MS4A4E: variants seen among roughly 807,000 people sequenced by gnomAD.
The protein encoded by MS4A4E is putative membrane-spanning 4-domains subfamily A member 4E.
In MS4A4E, 23 loss-of-function variants were observed where a neutral mutation model predicts 13.3. The ratio of observed to expected loss-of-function variants is 1.73; its 90% CI spans 1.25 to 2.45. The LOEUF (loss-of-function observed/expected upper bound fraction) is 2.45, where lower values mean the gene tolerates loss of function less well. MS4A4E is among the 30% of genes most tolerant of loss of function. The pLI, the probability that MS4A4E is intolerant of heterozygous loss-of-function variation, is 0.00. For synonymous variants in MS4A4E, 36 were observed against 45.6 expected, an observed-to-expected ratio of 0.79 and a Z score of 0.85; for missense variants, 144 against 131.2, an observed-to-expected ratio of 1.10 and a Z score of -0.48.
rs202109280 is a variant in MS4A4E, at chr11:60,236,438, GT to G, written c.-16-6368del. On this transcript the variant is annotated intron_variant, in intron 1 of 8. Transcript: ENST00000651255. Reference sequence around the variant, plus strand: ...TAAGCCTTCCAGTTCCTGAATATGAGTTTTTTTTCATTTGTTTAAATTTTCT... The same window carrying G: ...TAAGCCTTCCAGTTCCTGAATATGAGTTTTTTTCATTTGTTTAAATTTTCT... 6.1e-3 allele frequency among the ~76,000 whole-genome samples: 920 copies of G among 151,642 alleles called. 17 individuals are homozygous for G. Among genetic ancestry groups the G allele is most frequent in the East Asian group, 0.049 (254 of 5,162 alleles).
intron 7 of MS4A4E, among the ~76,000 whole-genome samples, chr11:60,205,508 G>A (rs1436966464): frequency 6.6e-6 from 1 of 152,134 alleles, no homozygotes; most frequent in Non-Finnish European, 1.5e-5. Flanking sequence ...ATATGTACCA[G>A]AGTACTAATT....
intron 2 of MS4A4E, among the ~76,000 whole-genome samples, chr11:60,228,984 AG>A (rs1305377036): frequency 6.6e-6 from 1 of 152,222 alleles, no homozygotes. Flanking sequence ...CCTTTGTTAA[AG>A]CCCATAGAAC....
At chr11:60,224,212 A>G (rs913742901) in intron 3 of MS4A4E, among the ~76,000 whole-genome samples, 3 of 152,126 alleles carry the variant, frequency 2.0e-5, no homozygotes, top group African/African-American at 7.2e-5. Context: ...TTCTCTTGGG[A>G]AAAGGTTTTT....
In MS4A4E at chr11:60,202,042, C is replaced by T. The variant is rs72920804; in HGVS notation, c.660-163G>A. Among the ~76,000 whole-genome samples, 1,421 of 152,276 alleles carry T rather than the reference C, an allele frequency of 9.3e-3. 16 individuals are homozygous for T. Among genetic ancestry groups the T allele is most frequent in the Middle Eastern group, 0.014 (4 of 294 alleles). On this transcript the variant is annotated intron_variant, in intron 8 of 8. Coordinates refer to ENST00000651255, the MANE Select transcript of MS4A4E (RefSeq NM_001393391.1). ...TTCACAGAGCAAATTGATGGTTAAC[C>T]ACTGTCACTAATTGCCAGAGCCCTT...
chr11:60,218,698 T>C (rs1405445707), intron 3 of MS4A4E, among the ~76,000 whole-genome samples: 20 of 152,190 alleles, frequency 1.3e-4, no homozygotes. Context: ...CCCTGTTTGC[T>C]TCTAGACCTA....
intron 6 of MS4A4E, among the ~76,000 whole-genome samples, chr11:60,207,298 A>G (rs2084060533): frequency 6.6e-6 from 1 of 152,170 alleles, no homozygotes. Context: ...TCTGGACTCA[A>G]ACCAGGGGAT....
At chr11:60,217,125 C>T (rs930815013) in intron 3 of MS4A4E, among the ~76,000 whole-genome samples, 4 of 152,132 alleles carry the variant, frequency 2.6e-5, no homozygotes, top group African/African-American at 7.2e-5. Flanking sequence ...GGGATTCTAA[C>T]TCTAAGCTTC....
At chr11:60,233,994 C>T (rs971716737) in intron 1 of MS4A4E, among the ~76,000 whole-genome samples, 14 of 152,226 alleles carry the variant, frequency 9.2e-5, no homozygotes, top group African/African-American at 3.1e-4. Context: ...AAATTATTCT[C>T]CAGATTTAAA....
intron 5 of MS4A4E, among the ~76,000 whole-genome samples, chr11:60,211,587 G>A (rs1306538576): frequency 1.3e-5 from 2 of 152,160 alleles, no homozygotes; most frequent in African/African-American, 4.8e-5. Context: ...TGAAAGTTTG[G>A]TGGTGTTGAA....
chr11:60,213,452 C>T, intron 4 of MS4A4E: 1 of 662,706 alleles, frequency 1.5e-6, no homozygotes, highest in Non-Finnish European at 2.6e-6. Context: ...GGTGCCCGAT[C>T]TCTTATCATT....
intron 2 of MS4A4E, among the ~76,000 whole-genome samples, chr11:60,229,312 G>T (rs1243225644): frequency 6.6e-6 from 1 of 151,906 alleles, no homozygotes; most frequent in Non-Finnish European, 1.5e-5. Context: ...CCAAAAAAAT[G>T]AATAATGCAA....
rs1300434719 is a variant in MS4A4E, at chr11:60,214,552, C to G, written c.222+19G>C. 6.7e-7 allele frequency: 1 copy of G among 1,491,694 alleles called. No individual in the cohort carries two copies. The allele number at this position is 1,491,694 out of a possible 1,614,324, so 92.4% of individuals were successfully genotyped here. A position where few individuals can be genotyped will look rare whatever the true frequency, so the allele number is the denominator to read the frequency against. On this transcript the variant is annotated intron_variant, in intron 4 of 8. Transcript: ENST00000651255. ...GATTAATCCTTTCCTTTTGATACCC[C>G]CCACAAAACATTACTCACCAGACCT... is the stretch of plus-strand genomic sequence containing the variant.
chr11:60,233,453 G>A (rs575845742), intron 1 of MS4A4E, among the ~76,000 whole-genome samples: 2 of 152,306 alleles, frequency 1.3e-5, no homozygotes, highest in African/African-American at 4.8e-5. Context: ...GTGTGCTTTA[G>A]AGTTACAGCC....
At chr11:60,232,284 A>AACACACAC (rs3221531) in intron 1 of MS4A4E, among the ~76,000 whole-genome samples, 1,543 of 130,216 alleles carry the variant, frequency 0.012, 32 homozygotes, top group African/African-American at 0.035. Context: ...CATCGCCATC[A>AACACACAC]ACACACACAC....
Position 60,200,358 on chromosome 11 carries a change from T to A in MS4A4E, c.*1185A>T, listed in dbSNP as rs11230187. 2.0e-5 allele frequency among the ~76,000 whole-genome samples: 3 copies of A among 151,502 alleles called. No homozygotes were observed. The highest frequency in any genetic ancestry group is 6.6e-5 in the Admixed American group (1 of 15,220). ...CACAGAGGGGGATTTGGCAGGGTCA[T>A]AGGACAATAGTGGAGGGAAGGTCAG... On this transcript the variant is annotated 3_prime_UTR_variant, in exon 9 of 9. Transcript: ENST00000651255.
In MS4A4E at chr11:60,213,030, A is replaced by C. The variant is rs2084144379; in HGVS notation, c.325T>G (p.Tyr109Asp). ...CTTGACAACTGATCGTGGTTACAGT[A>C]ATGGTAACGGAATGAATAAAACGTC... ...SLTFYSFRYH[Y>D]CNHDQLSSNC... Residue 109 changes from tyrosine (Y) to aspartate (D), a missense_variant, in exon 5 of 9, where the codon TAC becomes GAC. Tyr to Asp is a radical substitution (Grantham distance 160). This residue lies in a region of MS4A4E where 119 missense variants were observed against 88.7 expected (regional missense o/e 1.34). Coordinates refer to ENST00000651255, the MANE Select transcript of MS4A4E (RefSeq NM_001393391.1). 2 of 432,516 alleles carry C rather than the reference A, an allele frequency of 4.6e-6. No individual in the cohort carries two copies. The highest frequency in any genetic ancestry group is 4.1e-6 in the Non-Finnish European group (1 of 245,420). The allele number at this position is 432,516 out of a possible 1,614,324, so 26.8% of individuals were successfully genotyped here. A position where few individuals can be genotyped will look rare whatever the true frequency, so the allele number is the denominator to read the frequency against.
chr11:60,229,829 G>C, intron 2 of MS4A4E, 83 bp downstream of exon 2: 1 of 1,381,052 alleles, frequency 7.2e-7, no homozygotes, highest in Non-Finnish European at 9.8e-7. Context: ...TGAGGCTAGC[G>C]GGACAGTGTA....
intron 3 of MS4A4E, 63 bp downstream of exon 3, chr11:60,228,531 A>G: frequency 1.6e-6 from 1 of 640,362 alleles, no homozygotes. Context: ...CAGGGAAGAC[A>G]GTTTGGCAGT....
chr11:60,240,753 C>G (rs2084538212), intron 1 of MS4A4E, among the ~76,000 whole-genome samples: 1 of 152,168 alleles, frequency 6.6e-6, no homozygotes, highest in Non-Finnish European at 1.5e-5. Context: ...GACCACCTTA[C>G]AAGAATAGCA....
Sources: gnomAD v4.1 joint callset for allele counts (sites outside exome capture counted in the v4.1 genomes callset) on GRCh38, gnomAD v4.1.1 for gene constraint, gnomAD v4.1.1 regional missense constraint, MANE v1.5 for transcripts, NCBI Gene and HGNC (gene_info 2026-07-23, HGNC 2026-07-21) for gene names.